Variants in FBXO11 observed in about 807,000 individuals in gnomAD.
FBXO11 encodes the protein F-box only protein 11.
FBXO11 carries 13 observed loss-of-function variants against 117.0 expected under a neutral mutation model. The observed-to-expected ratio is 0.11, with a 90% CI of 0.07 to 0.18. The LOEUF is 0.18. Ranked by LOEUF, FBXO11 falls within the 10% of genes least tolerant of loss-of-function variation. FBXO11 has a pLI of 1.00. For synonymous variants in FBXO11, 490 were observed against 380.5 expected (o/e 1.29, Z -3.35); for missense variants, 767 against 1,164.4 (o/e 0.66, Z 4.97).
At chr2:47,822,057 G>A (rs113565002) in intron 13 of FBXO11, among the ~76,000 whole-genome samples, 161 bp downstream of exon 13, 1 of 152,154 alleles carries the variant, frequency 6.6e-6, no homozygotes, top group African/African-American at 2.4e-5. Context: ...CTGTGCTCCA[G>A]TCTGCACAAG....
intron 1 of FBXO11, among the ~76,000 whole-genome samples, chr2:47,849,054 C>T (rs1263644044): frequency 6.6e-6 from 1 of 152,186 alleles, no homozygotes; most frequent in Non-Finnish European, 1.5e-5. Flanking sequence ...CGACTAACAA[C>T]TTTGTGTTTA....
In FBXO11 at chr2:47,819,094, A is replaced by G; in HGVS notation, c.1798-16T>C. Reference sequence around the variant, plus strand: ...CCTTTTCATGCTAAATGAAAGTTACACTGGTTATAATATTTATCTTCTATA... The same window carrying G: ...CCTTTTCATGCTAAATGAAAGTTACGCTGGTTATAATATTTATCTTCTATA... On this transcript the variant is annotated splice_polypyrimidine_tract_variant and intron_variant, in intron 14 of 22. Coordinates refer to ENST00000403359, the MANE Select transcript of FBXO11 (RefSeq NM_001190274.2). 2 of 1,610,714 alleles carry G rather than the reference A, an allele frequency of 1.2e-6. No individual in the cohort carries two copies. Among genetic ancestry groups the G allele is most frequent in the Non-Finnish European group, 1.7e-6 (2 of 1,177,968 alleles).
Position 47,835,363 on chromosome 2 carries a change from C to T in FBXO11, c.718-492G>A, listed in dbSNP as rs139691679. 1.7e-3 allele frequency among the ~76,000 whole-genome samples: 260 copies of T among 152,318 alleles called. 2 individuals carry two copies. The highest frequency in any genetic ancestry group is 6.8e-3 in the Middle Eastern group (2 of 294). ...CTAATAATTTAAATACAAGTTCAAA[C>T]AGACCCATTGAAATCACAACTGCTC... On this transcript the variant is annotated intron_variant, in intron 5 of 22. Coordinates refer to ENST00000403359, the MANE Select transcript of FBXO11 (RefSeq NM_001190274.2).
chr2:47,890,629 C>T (rs1353445735), intron 1 of FBXO11, among the ~76,000 whole-genome samples: 2 of 151,836 alleles, frequency 1.3e-5, no homozygotes. Flanking sequence ...CATGACAAAA[C>T]CCCATCTCTA....
Position 47,832,766 on chromosome 2 carries a change from A to C in FBXO11, c.1153+3T>G. 6.2e-7 allele frequency: 1 copy of C among 1,611,062 alleles called. No homozygotes were observed. The highest frequency in any genetic ancestry group is 8.5e-7 in the Non-Finnish European group (1 of 1,177,318). ...TATTGTAAAATATAAAGAAAACACT[A>C]ACCTGTACATGTACTTCGGATGATA... On this transcript the variant is annotated splice_donor_region_variant and intron_variant, in intron 9 of 22. Coordinates refer to ENST00000403359, the MANE Select transcript of FBXO11 (RefSeq NM_001190274.2).
intron 9 of FBXO11, 44 bp downstream of exon 9, chr2:47,832,725 C>G (rs926526203): frequency 6.8e-6 from 11 of 1,607,000 alleles, no homozygotes; most frequent in Non-Finnish European, 7.7e-6. Context: ...GGGCAACATA[C>G]AGTGACTCAA....
At chr2:47,904,616 AC>A (rs1678601390) in intron 1 of FBXO11, among the ~76,000 whole-genome samples, 9 of 125,726 alleles carry the variant, frequency 7.2e-5, no homozygotes, top group East Asian at 2.2e-4. Flanking sequence ...ACACACACAC[AC>A]ACACAAAATA....
chr2:47,808,778 T>G (rs1339629891), intron 21 of FBXO11: 2 of 266,842 alleles, frequency 7.5e-6, no homozygotes, highest in Non-Finnish European at 1.4e-5. Flanking sequence ...CATCTTTACC[T>G]TGAAATTTCT....
At chr2:47,844,988 A>C (rs911477366) in intron 1 of FBXO11, among the ~76,000 whole-genome samples, 1 of 152,156 alleles carries the variant, frequency 6.6e-6, no homozygotes, top group Non-Finnish European at 1.5e-5. Flanking sequence ...CATGTGGGTT[A>C]ATGTCTCTAT....
chr2:47,882,143 C>T (rs1254240007), intron 1 of FBXO11, among the ~76,000 whole-genome samples: 1 of 152,212 alleles, frequency 6.6e-6, no homozygotes, highest in Non-Finnish European at 1.5e-5. Flanking sequence ...TACTATTTTC[C>T]TCAAGAAGGG....
intron 16 of FBXO11, among the ~76,000 whole-genome samples, chr2:47,815,398 T>C (rs1670938935): frequency 1.3e-5 from 2 of 152,164 alleles, no homozygotes; most frequent in Non-Finnish European, 2.9e-5. Context: ...AAAGGAATTC[T>C]AGTTTCTAAG....
At position 47,857,284 on chromosome 2, in the gene FBXO11, AT is replaced by A. The variant is rs569531648; in HGVS notation, c.233-17516del. ...CACAGCCATTAATGAGCAAGAAGGT[AT>A]TTTTTTTTTTAAATCAGCAGAGACA... is the stretch of plus-strand genomic sequence containing the variant. On this transcript the variant is annotated intron_variant, in intron 1 of 22. Coordinates refer to ENST00000403359, the MANE Select transcript of FBXO11 (RefSeq NM_001190274.2). Among the ~76,000 whole-genome samples, 77 of 148,258 alleles carry A rather than the reference AT, an allele frequency of 5.2e-4. No homozygotes were observed. The South Asian group carries it at 6.8e-3, about 13-fold the overall frequency.
intron 1 of FBXO11, among the ~76,000 whole-genome samples, chr2:47,859,952 G>GA (rs1022466395): frequency 6.6e-6 from 1 of 152,114 alleles, no homozygotes; most frequent in African/African-American, 2.4e-5. Context: ...AAAGTTCATA[G>GA]ATTTTCCCCC....
chr2:47,901,349 C>T (rs992091820), intron 1 of FBXO11, among the ~76,000 whole-genome samples: 5 of 151,570 alleles, frequency 3.3e-5, no homozygotes, highest in African/African-American at 1.2e-4. Flanking sequence ...ATTAGATTTT[C>T]AGCACTTCAA....
At chr2:47,899,291 AAAG>A (rs1455799201) in intron 1 of FBXO11, among the ~76,000 whole-genome samples, 2 of 150,548 alleles carry the variant, frequency 1.3e-5, no homozygotes, top group Admixed American at 1.3e-4. Context: ...AAAAAAAAAA[AAAG>A]AATTGGTATA....
At position 47,905,355 on chromosome 2, in the gene FBXO11, C is replaced by T. The variant is rs377729325; in HGVS notation, c.232+134G>A. 155 of 938,998 alleles carry T rather than the reference C, an allele frequency of 1.7e-4. No homozygotes were observed. The East Asian group carries it at 6.4e-3, about 39-fold the overall frequency. The allele number at this position is 938,998 out of a possible 1,614,324, so 58.2% of individuals were successfully genotyped here. On this transcript the variant is annotated intron_variant, in intron 1 of 22. Transcript: ENST00000403359. ...GCTGACACTGCGGCACCGGGGGACC[C>T]GCCTCCGCTCAGCTTGGGTCTCCCA...
intron 13 of FBXO11, among the ~76,000 whole-genome samples, chr2:47,821,252 C>T (rs1403520501): frequency 6.6e-6 from 1 of 151,444 alleles, no homozygotes; most frequent in Non-Finnish European, 1.5e-5. Context: ...CTGAAACAGG[C>T]AGCTCACTTG....
intron 11 of FBXO11, among the ~76,000 whole-genome samples, chr2:47,830,864 A>T (rs1672128057): frequency 6.6e-6 from 1 of 152,120 alleles, no homozygotes; most frequent in Non-Finnish European, 1.5e-5. Context: ...CACATCTTAC[A>T]TCTTGGCTCA....
chr2:47,900,635 C>A (rs1304263293), intron 1 of FBXO11, among the ~76,000 whole-genome samples: 1 of 36,096 alleles, frequency 2.8e-5, no homozygotes, highest in Non-Finnish European at 5.8e-5. Context: ...TATACACACA[C>A]GTACGTATAT....
Sources: allele counts gnomAD v4.1 joint callset (sites outside exome capture counted in the v4.1 genomes callset), GRCh38; gene constraint gnomAD v4.1.1; transcripts MANE v1.5; gene names NCBI Gene and HGNC (gene_info 2026-07-23, HGNC 2026-07-21).